Variants in RERE observed in about 807,000 individuals in gnomAD.
The protein encoded by RERE is arginine-glutamic acid dipeptide repeats protein.
A neutral mutation model predicts 146.1 loss-of-function variants in RERE; 40 were observed. The ratio of observed to expected loss-of-function variants is 0.27; its 90% CI spans 0.21 to 0.36. The LOEUF is 0.36. Among genes scored for constraint, RERE ranks in the 10% least tolerant of loss-of-function variants. RERE has a pLI of 1.00. For synonymous variants in RERE, 1,003 were observed against 866.0 expected (o/e 1.16, Z -2.78); for missense variants, 1,933 against 2,138.7 (o/e 0.90, Z 1.90).
At chr1:8,630,874 G>C (rs1381928) in intron 2 of RERE, among the ~76,000 whole-genome samples, 14 of 152,022 alleles carry the variant, frequency 9.2e-5, no homozygotes, top group African/African-American at 3.4e-4. Context: ...ATCATCTTAA[G>C]GATTCTAAAC....
At chr1:8,401,069 A>ATATATGTATG (rs761609705) in intron 12 of RERE, among the ~76,000 whole-genome samples, 1 of 85,114 alleles carries the variant, frequency 1.2e-5, no homozygotes, top group Non-Finnish European at 2.5e-5. Context: ...ATATATATAT[A>ATATATGTATG]TATGTCACTT....
chr1:8,722,019 T>C (rs1639873421), intron 1 of RERE, among the ~76,000 whole-genome samples: 2 of 152,250 alleles, frequency 1.3e-5, no homozygotes, highest in East Asian at 1.9e-4. Context: ...CTGGTGCTTT[T>C]TGTTCTTTGT....
In RERE at chr1:8,360,902, G is replaced by A. The variant is rs780966693; in HGVS notation, c.2605C>T (p.Pro869Ser). The change falls in exon 18 of 23, where the codon CCA becomes TCA. Residue 869 changes from proline to serine, a missense_variant. This residue lies in a region of RERE where 1,255 missense variants were observed against 1,153.8 expected (regional missense o/e 1.09). Transcript: ENST00000400908. ...AGPLLQHPGP[P>S]QPFGLPPQAS... Reference sequence around the variant, plus strand: ...TGGGGAGGGAGGCCAAAGGGCTGTGGGGGGCCTGGGTGCTGCAGCAGGGGC... The same window carrying A: ...TGGGGAGGGAGGCCAAAGGGCTGTGAGGGGCCTGGGTGCTGCAGCAGGGGC... The A allele has an allele frequency of 6.5e-5, 98 of 1,500,430 alleles. No homozygotes were observed. Among genetic ancestry groups the A allele is most frequent in the Non-Finnish European group, 8.0e-5 (91 of 1,131,318 alleles). The allele number at this position is 1,500,430 out of a possible 1,614,324, so 92.9% of individuals were successfully genotyped here.
intron 1 of RERE, among the ~76,000 whole-genome samples, chr1:8,665,149 G>A (rs1323048220): frequency 4.6e-5 from 7 of 152,064 alleles, no homozygotes; most frequent in East Asian, 1.9e-4. Flanking sequence ...AATGCTCTTC[G>A]TCTGGCCTAG....
At chr1:8,634,528 T>C (rs1201327093) in intron 2 of RERE, among the ~76,000 whole-genome samples, 3 of 152,236 alleles carry the variant, frequency 2.0e-5, no homozygotes, top group South Asian at 4.1e-4. Flanking sequence ...TTGAAATCTA[T>C]TACAGTGTCA....
At chr1:8,598,124 T>C (rs1039171292) in intron 4 of RERE, among the ~76,000 whole-genome samples, 1 of 152,188 alleles carries the variant, frequency 6.6e-6, no homozygotes, top group Admixed American at 6.5e-5. Context: ...GTTCTCCACA[T>C]TACTGTGACA....
chr1:8,703,770 C>A (rs947285444), intron 1 of RERE, among the ~76,000 whole-genome samples: 1 of 152,194 alleles, frequency 6.6e-6, no homozygotes, highest in Non-Finnish European at 1.5e-5. Flanking sequence ...TAATGCCAAC[C>A]ACCTCTGACG....
In RERE at chr1:8,366,916, C is replaced by CAAAAAAAAAAAAA. The variant is rs5772317; in HGVS notation, c.1285-943_1285-942insTTTTTTTTTTTTT. 1.3e-3 allele frequency among the ~76,000 whole-genome samples: 140 copies of CAAAAAAAAAAAAA among 107,636 alleles called. 1 individual carries two copies. The highest frequency in any genetic ancestry group is 1.6e-3 in the East Asian group (6 of 3,732). 70.6% of individuals were successfully genotyped at this position (107,636 alleles called of 152,430 possible). ...TTTACCTAGAACTGAAAAAAAAAAACAAAAAAAAAAAACAAAAAAAAAAAA... is the reference window on the plus strand; with the variant it reads ...TTTACCTAGAACTGAAAAAAAAAAACAAAAAAAAAAAAAAAAAAAAAAAAACAAAAAAAAAAAA... On this transcript the variant is annotated intron_variant, in intron 12 of 22. Coordinates refer to ENST00000400908, the MANE Select transcript of RERE (RefSeq NM_001042681.2).
rs549874477 is a variant in RERE, at chr1:8,366,030, C to T, written c.1285-56G>A. On this transcript the variant is annotated intron_variant, in intron 12 of 22. Coordinates refer to ENST00000400908, the MANE Select transcript of RERE (RefSeq NM_001042681.2). Reference sequence around the variant, plus strand: ...GGGCCTGGGGCTTTTCCGTGCCCCACGCACCCTCTCTGCCACAGTGGAAAG... The same window carrying T: ...GGGCCTGGGGCTTTTCCGTGCCCCATGCACCCTCTCTGCCACAGTGGAAAG... 121 of 1,549,338 alleles carry T rather than the reference C, an allele frequency of 7.8e-5. No homozygotes were observed. In the African/African-American group the frequency reaches 1.0e-3, roughly 13 times the overall value.
intron 12 of RERE, among the ~76,000 whole-genome samples, chr1:8,388,039 C>T (rs148353599): frequency 5.3e-5 from 8 of 152,294 alleles, no homozygotes; most frequent in African/African-American, 1.4e-4. Context: ...AAGGAAAAGA[C>T]GCTCTATTCA....
At position 8,394,912 on chromosome 1, in the gene RERE, T is replaced by C. The variant is rs548703598; in HGVS notation, c.1284+27815A>G. 3.3e-5 allele frequency among the ~76,000 whole-genome samples: 5 copies of C among 152,344 alleles called. No homozygotes were observed. The East Asian group carries it at 9.6e-4, about 29-fold the overall frequency. On this transcript the variant is annotated intron_variant, in intron 12 of 22. Coordinates refer to ENST00000400908, the MANE Select transcript of RERE (RefSeq NM_001042681.2). The stretch of plus-strand genomic sequence containing the variant: ...GGAGAGAAACTGTATTACTCATTTT[T>C]ATATCCTCAGCATCTATCTAAAATG...
chr1:8,806,185 G>A (rs1218369165), intron 1 of RERE, among the ~76,000 whole-genome samples: 2 of 151,988 alleles, frequency 1.3e-5, no homozygotes, highest in Non-Finnish European at 1.5e-5. Flanking sequence ...AAATAACTAA[G>A]CTCTAAAATG....
At chr1:8,613,550 G>A (rs1482157014) in intron 4 of RERE, among the ~76,000 whole-genome samples, 1 of 152,128 alleles carries the variant, frequency 6.6e-6, no homozygotes, top group African/African-American at 2.4e-5. Flanking sequence ...CAGCCCATCT[G>A]GAGCACTTTC....
At chr1:8,681,850 G>A (rs111476555) in intron 1 of RERE, among the ~76,000 whole-genome samples, 2,179 of 152,268 alleles carry the variant, frequency 0.014, 39 homozygotes, top group African/African-American at 0.048. Flanking sequence ...GGACAGGAAT[G>A]GAAGGCGAAA....
intron 11 of RERE, among the ~76,000 whole-genome samples, chr1:8,453,655 A>G (rs1030686949): frequency 6.6e-6 from 1 of 151,994 alleles, no homozygotes; most frequent in Admixed American, 6.6e-5. Flanking sequence ...AAAATACAAA[A>G]ATTAGCCGGG....
chr1:8,520,487 A>G (rs909244866), intron 7 of RERE, among the ~76,000 whole-genome samples: 5 of 152,146 alleles, frequency 3.3e-5, no homozygotes, highest in Non-Finnish European at 7.4e-5. Flanking sequence ...TAATGTCAGG[A>G]AAAAAACTGG....
intron 1 of RERE, among the ~76,000 whole-genome samples, chr1:8,692,430 T>C (rs1639227014): frequency 6.6e-6 from 1 of 151,668 alleles, no homozygotes; most frequent in African/African-American, 2.4e-5. Context: ...TCACTGCAAC[T>C]TCTGCCTCCC....
intron 1 of RERE, among the ~76,000 whole-genome samples, chr1:8,724,535 T>G (rs978334545): frequency 1.3e-5 from 2 of 152,154 alleles, no homozygotes; most frequent in Non-Finnish European, 2.9e-5. Flanking sequence ...TCTCTACATA[T>G]TACACAGCTG....
intron 1 of RERE, chr1:8,786,221 G>A (rs1375194259): frequency 1.3e-5 from 12 of 910,562 alleles, no homozygotes; most frequent in Admixed American, 1.1e-4. Flanking sequence ...TAAGAAGCCT[G>A]TGGATCTGGT....
Sources: gnomAD v4.1 joint callset for allele counts (sites outside exome capture counted in the v4.1 genomes callset) on GRCh38, gnomAD v4.1.1 for gene constraint, gnomAD v4.1.1 regional missense constraint, MANE v1.5 for transcripts, NCBI Gene and HGNC (gene_info 2026-07-23, HGNC 2026-07-21) for gene names.